Variants in HEPH observed in about 807,000 individuals in gnomAD.
The protein encoded by HEPH is hephaestin.
A neutral mutation model predicts 80.8 loss-of-function variants in HEPH; 69 were observed. That is an observed-to-expected ratio of 0.85 (90% CI 0.70 to 1.04). HEPH has a LOEUF of 1.04. Among genes scored for constraint, HEPH ranks in the 50% least tolerant of loss-of-function variants. The pLI, the probability that HEPH is intolerant of heterozygous loss-of-function variation, is 0.00. For missense variants in HEPH, 1,115 were observed against 891.3 expected (o/e 1.25, Z -3.20); for synonymous variants, 431 against 322.8 (o/e 1.34, Z -3.60).
chrX:66,262,295 C>T (rs1044967568), intron 19 of HEPH, among the ~76,000 whole-genome samples: 1 of 111,892 alleles, frequency 8.9e-6, no homozygotes, highest in African/African-American at 3.2e-5. Flanking sequence ...GGAAAGTCAT[C>T]TTTCTACTCT....
chrX:66,247,070 G>T (rs753283077), intron 15 of HEPH, among the ~76,000 whole-genome samples: 2 of 111,233 alleles, frequency 1.8e-5, no homozygotes, highest in African/African-American at 6.5e-5. Flanking sequence ...TCTTTTCTGT[G>T]ACAAATCTTG....
upstream of HEPH, chrX:66,162,932 G>C (rs888293884): frequency 1.9e-6 from 2 of 1,063,971 alleles, no homozygotes; most frequent in Non-Finnish European, 2.5e-6. Flanking sequence ...CTATACCTGG[G>C]TCTGTTGGGT....
At position 66,193,725 on chromosome X, in the gene HEPH, G is replaced by T. The variant is rs1375423428; in HGVS notation, c.1369+87G>T. On this transcript the variant is annotated intron_variant, in intron 8 of 20. Coordinates refer to ENST00000343002, the MANE Select transcript of HEPH (RefSeq NM_001367233.3). ...AAACTGAGGCCTGGACATCACTTAG[G>T]AGCACATTGTAGACCAGCATCTCCC... 1.7e-5 allele frequency: 12 copies of T among 692,185 alleles called. No homozygotes were observed. In the East Asian group the frequency reaches 4.2e-4, roughly 24 times the overall value. 57.0% of individuals were successfully genotyped at this position (692,185 alleles called of 1,213,427 possible).
intron 15 of HEPH, among the ~76,000 whole-genome samples, chrX:66,210,089 A>T (rs1228108202): frequency 1.8e-5 from 2 of 111,385 alleles, no homozygotes; most frequent in African/African-American, 6.5e-5. Flanking sequence ...AGGAAGGCCA[A>T]TTTTTAAGGG....
chrX:66,192,374 A>T, intron 7 of HEPH, 76 bp downstream of exon 7: 1 of 1,000,689 alleles, frequency 1.0e-6, no homozygotes, highest in Non-Finnish European at 1.4e-6. Flanking sequence ...TTCTTCCAGA[A>T]ATCTCTCACT....
intron 15 of HEPH, among the ~76,000 whole-genome samples, chrX:66,225,942 T>G (rs2089869124): frequency 8.9e-6 from 1 of 112,072 alleles, no homozygotes; most frequent in African/African-American, 3.2e-5. Flanking sequence ...CTCCAACAAC[T>G]GAGCTCCCTG....
chrX:66,227,926 A>G (rs895936403), intron 15 of HEPH, among the ~76,000 whole-genome samples: 14 of 111,021 alleles, frequency 1.3e-4, no homozygotes, highest in African/African-American at 4.6e-4. Flanking sequence ...TTCTAGTTCT[A>G]TGAAGAATAA....
At position 66,173,826 on chromosome X, in the gene HEPH, G is replaced by C. The variant is rs767862815; in HGVS notation, c.625+25G>C. Reference sequence around the variant, plus strand: ...GGTACAGGTCCCAAGGATAAGCTATGAGGTGTAGTTTGGGACATCTAGGGG... The same window carrying C: ...GGTACAGGTCCCAAGGATAAGCTATCAGGTGTAGTTTGGGACATCTAGGGG... On this transcript the variant is annotated intron_variant, in intron 4 of 20. Transcript: ENST00000343002. 6.3e-6 allele frequency: 7 copies of C among 1,104,744 alleles called. No homozygotes were observed. The South Asian group carries it at 1.4e-4, about 22-fold the overall frequency. 91.0% of individuals were successfully genotyped at this position (1,104,744 alleles called of 1,213,427 possible). A position where few individuals can be genotyped will look rare whatever the true frequency, so the allele number is the denominator to read the frequency against.
intron 15 of HEPH, among the ~76,000 whole-genome samples, chrX:66,252,685 A>G (rs960427962): frequency 8.9e-6 from 1 of 112,350 alleles, no homozygotes; most frequent in Non-Finnish European, 1.9e-5. Context: ...TGGAGAACTC[A>G]TACTTACTGG....
chrX:66,206,454 C>T (rs1602338344), intron 13 of HEPH, among the ~76,000 whole-genome samples: 1 of 96,135 alleles, frequency 1.0e-5, no homozygotes, highest in Middle Eastern at 5.6e-3. Context: ...CCTCTGCCTC[C>T]CAGGTTCAAG....
chrX:66,178,790 T>C (rs1002285518), intron 4 of HEPH, among the ~76,000 whole-genome samples: 2 of 111,927 alleles, frequency 1.8e-5, no homozygotes, highest in African/African-American at 6.5e-5. Flanking sequence ...TTTGATGGGG[T>C]TGTTTATTTT....
At chrX:66,202,230 G>T (rs766739799) in intron 12 of HEPH, among the ~76,000 whole-genome samples, 24 of 111,388 alleles carry the variant, frequency 2.2e-4, no homozygotes, top group Non-Finnish European at 4.0e-4. Flanking sequence ...AAGATTTCAA[G>T]GTAGGAATGA....
At chrX:66,219,019 C>T (rs756105811) in intron 15 of HEPH, among the ~76,000 whole-genome samples, 2 of 111,844 alleles carry the variant, frequency 1.8e-5, no homozygotes, top group South Asian at 3.8e-4. Context: ...CCTTATTCCC[C>T]CACTTTGAGA....
chrX:66,210,313 G>A (rs918138975), intron 15 of HEPH, among the ~76,000 whole-genome samples: 3 of 112,095 alleles, frequency 2.7e-5, no homozygotes, highest in Non-Finnish European at 3.8e-5. Flanking sequence ...GGGGAAAGAA[G>A]CTATATTAGA....
chrX:66,221,795 T>C (rs1361303417), intron 15 of HEPH, among the ~76,000 whole-genome samples: 2 of 112,976 alleles, frequency 1.8e-5, no homozygotes, highest in African/African-American at 6.4e-5. Context: ...ACATTTTTAT[T>C]AACTGTCACC....
At chrX:66,208,424 G>A (rs191858709) in intron 15 of HEPH, among the ~76,000 whole-genome samples, 178 bp downstream of exon 15, 2 of 107,703 alleles carry the variant, frequency 1.9e-5, no homozygotes, top group African/African-American at 6.7e-5. Context: ...TTCAAGACTA[G>A]CCTGGCCAAC....
At chrX:66,240,567 A>G (rs1418419372) in intron 15 of HEPH, among the ~76,000 whole-genome samples, 1 of 110,334 alleles carries the variant, frequency 9.1e-6, no homozygotes, top group African/African-American at 3.3e-5. Context: ...CGTAAAATCT[A>G]CTGAAAACCA....
intron 12 of HEPH, among the ~76,000 whole-genome samples, chrX:66,201,341 G>GT (rs1569325363): frequency 9.1e-6 from 1 of 110,287 alleles, no homozygotes; most frequent in Non-Finnish European, 1.9e-5. Context: ...CGTAACTTTG[G>GT]TCTAATTACT....
intron 15 of HEPH, among the ~76,000 whole-genome samples, chrX:66,241,517 T>C (rs2148086635): frequency 9.0e-6 from 1 of 110,935 alleles, no homozygotes; most frequent in East Asian, 2.8e-4. Context: ...CAAACAGGGG[T>C]ACTATATAAT....
Sources: gnomAD v4.1 joint callset for allele counts (sites outside exome capture counted in the v4.1 genomes callset) on GRCh38, gnomAD v4.1.1 for gene constraint, MANE v1.5 for transcripts, NCBI Gene and HGNC (gene_info 2026-07-23, HGNC 2026-07-21) for gene names.